TMEM44: variants seen among roughly 807,000 people sequenced by gnomAD.
TMEM44 encodes the protein transmembrane protein 44.
A neutral mutation model predicts 47.8 loss-of-function variants in TMEM44; 43 were observed. That is an observed-to-expected ratio of 0.90 (90% confidence interval 0.70 to 1.16). The LOEUF (loss-of-function observed/expected upper bound fraction) is 1.16, where lower values mean the gene tolerates loss of function less well. TMEM44 is among the 50% of genes most tolerant of loss of function. The pLI is 0.00. For missense variants in TMEM44, 568 were observed against 555.2 expected, an observed-to-expected ratio of 1.02 and a Z score of -0.23; for synonymous variants, 277 against 238.8, an observed-to-expected ratio of 1.16 and a Z score of -1.48.
intron 4 of TMEM44, 25 bp downstream of exon 4, chr3:194,623,504 C>G (rs1414292232): frequency 6.4e-7 from 1 of 1,562,424 alleles, no homozygotes; most frequent in Non-Finnish European, 8.6e-7. Context: ...TACCCCGAGT[C>G]CTCCCCACGG....
At chr3:194,594,591 T>C (rs542870397) in intron 9 of TMEM44, among the ~76,000 whole-genome samples, 204 of 150,850 alleles carry the variant, frequency 1.4e-3, no homozygotes, top group Non-Finnish European at 2.3e-3. Context: ...GCATTCTTCA[T>C]CTAACACTAT....
intron 9 of TMEM44, among the ~76,000 whole-genome samples, chr3:194,600,618 G>A: frequency 6.6e-6 from 1 of 152,106 alleles, no homozygotes; most frequent in Non-Finnish European, 1.5e-5. Context: ...AGGCATGGTG[G>A]TGCATGCCTA....
At chr3:194,622,838 C>T (rs191643943) in intron 5 of TMEM44, 19 of 158,482 alleles carry the variant, frequency 1.2e-4, no homozygotes, top group African/African-American at 4.2e-4. Flanking sequence ...CGTGAGCCCC[C>T]GCGCCCGGCC....
chr3:194,588,391 C>CA lies in TMEM44; in HGVS notation c.*137dup, dbSNP rs1378864737. ...AGCTATGATGTAGCCCAGCCACACT[C>CA]AGTGACGGCTCCTGGTTCCTCACTT... On this transcript the variant is annotated 3_prime_UTR_variant, in exon 10 of 10. Coordinates refer to ENST00000347147, the MANE Select transcript of TMEM44 (RefSeq NM_001011655.3). 1.4e-6 allele frequency: 1 copy of CA among 699,610 alleles called. No homozygotes were observed. The highest frequency in any genetic ancestry group is 2.4e-6 in the Non-Finnish European group (1 of 412,968). The allele number at this position is 699,610 out of a possible 1,614,324, so 43.3% of individuals were successfully genotyped here.
At chr3:194,604,727 A>C (rs1714590590) in intron 8 of TMEM44, among the ~76,000 whole-genome samples, 1 of 152,100 alleles carries the variant, frequency 6.6e-6, no homozygotes, top group African/African-American at 2.4e-5. Flanking sequence ...TCTCTTAAGC[A>C]CCTTGCTTTT....
chr3:194,601,881 C>A (rs1026064866), intron 9 of TMEM44, among the ~76,000 whole-genome samples: 27 of 152,212 alleles, frequency 1.8e-4, no homozygotes, highest in African/African-American at 6.3e-4. Flanking sequence ...TTCAAGTTCA[C>A]CGTGCAGTCC....
At chr3:194,631,688 C>T (rs547783748) in intron 1 of TMEM44, among the ~76,000 whole-genome samples, 12 of 152,314 alleles carry the variant, frequency 7.9e-5, no homozygotes, top group South Asian at 6.2e-4. Context: ...TGGCTTCACA[C>T]GCGGGGGCTT....
intron 8 of TMEM44, among the ~76,000 whole-genome samples, chr3:194,607,494 G>A (rs1422887487): frequency 6.6e-6 from 1 of 152,088 alleles, no homozygotes; most frequent in Non-Finnish European, 1.5e-5. Context: ...TTTACTTGGT[G>A]TCATTATGCC....
intron 9 of TMEM44, among the ~76,000 whole-genome samples, chr3:194,597,649 C>CAA (rs532223669): frequency 9.0e-5 from 9 of 99,978 alleles, no homozygotes; most frequent in African/African-American, 1.7e-4. Context: ...GACTCTGTCT[C>CAA]AAAAAAAAAA....
intron 9 of TMEM44, among the ~76,000 whole-genome samples, chr3:194,596,097 C>T (rs6437391): frequency 0.92 from 140,199 of 152,126 alleles, 64,663 homozygotes; most frequent in East Asian, 0.98. Context: ...CCTGCAAAGA[C>T]GGCACAGATG....
At chr3:194,597,374 G>C (rs1044100030) in intron 9 of TMEM44, 3 of 152,142 alleles carry the variant, frequency 2.0e-5, no homozygotes, top group Admixed American at 6.5e-5. Flanking sequence ...AAAAGGTATA[G>C]GAGGCTGGGC....
At chr3:194,590,423 C>T (rs141256441) in intron 9 of TMEM44, among the ~76,000 whole-genome samples, 54 of 152,290 alleles carry the variant, frequency 3.5e-4, no homozygotes, top group East Asian at 3.9e-4. Context: ...CATTAACTTG[C>T]GGTCGCAGAC....
chr3:194,623,598 CCA>C lies in TMEM44; in HGVS notation c.454_455del (p.Trp152GlyfsTer27). ...TGGCTGAAGCCTTCGGGACAGCAAC[CCA>C]CAGAGCCCAGCACGGGCCCAGGCTC... ...PLSLGPCWAL[W>X]VAVPKASATI... On this transcript the variant is annotated frameshift_variant, in exon 4 of 10. Coordinates refer to ENST00000347147, the MANE Select transcript of TMEM44 (RefSeq NM_001011655.3). LOFTEE classifies it high-confidence loss of function. 1.2e-6 allele frequency: 2 copies of C among 1,612,108 alleles called. No individual in the cohort carries two copies. The highest frequency in any genetic ancestry group is 4.5e-5 in the East Asian group (2 of 44,858).
At chr3:194,597,622 T>C (rs1489021299) in intron 9 of TMEM44, among the ~76,000 whole-genome samples, 3 of 146,976 alleles carry the variant, frequency 2.0e-5, no homozygotes, top group Non-Finnish European at 4.5e-5. Flanking sequence ...ATTGCGCCAT[T>C]GCACTTAAAC....
intron 2 of TMEM44, 134 bp downstream of exon 2, chr3:194,628,249 C>T: frequency 7.9e-7 from 1 of 1,257,902 alleles, no homozygotes; most frequent in Non-Finnish European, 1.1e-6. Context: ...AACAGCCAGG[C>T]ACAGGTTCTG....
rs180897737 is a variant in TMEM44 at position 194,611,533 on chromosome 3, C to A, written c.913-513G>T. Among the ~76,000 whole-genome samples, 1 of 152,218 alleles carries A rather than the reference C, an allele frequency of 6.6e-6. No homozygotes were observed. Among genetic ancestry groups the A allele is most frequent in the Non-Finnish European group, 1.5e-5 (1 of 68,046 alleles). On this transcript the variant is annotated intron_variant, in intron 7 of 9. Transcript: ENST00000347147. This position sits in a 1 kb window ranked among gnomAD's most constrained non-coding sequence, Gnocchi z 4.2. ...AACAAAACAAAACAAGGAATGCCTA[C>A]TTCCCACTTCCAGACATTCTGATTT...
In TMEM44 at chr3:194,601,309, C is replaced by CT. The variant is rs1553827277; in HGVS notation, c.1176+2977dup. On this transcript the variant is annotated intron_variant, in intron 9 of 9. Coordinates refer to ENST00000347147, the MANE Select transcript of TMEM44 (RefSeq NM_001011655.3). The stretch of plus-strand genomic sequence containing the variant: ...CCCGCCACCACGCCTGGCTAATTTT[C>CT]TTTTTTTTTTTTGAGATGGAGTTTC... Among the ~76,000 whole-genome samples the CT allele has an allele frequency of 2.9e-3, 383 of 134,232 alleles. 2 individuals carry two copies. The highest frequency in any genetic ancestry group is 3.9e-3 in the Admixed American group (53 of 13,474). The allele number at this position is 134,232 out of a possible 152,430, so 88.1% of individuals were successfully genotyped here. A position where few individuals can be genotyped will look rare whatever the true frequency, so the allele number is the denominator to read the frequency against.
chr3:194,588,056 C>G lies in TMEM44; in HGVS notation c.*473G>C, dbSNP rs1712075068. On this transcript the variant is annotated 3_prime_UTR_variant, in exon 10 of 10. Transcript: ENST00000347147. ...GGGGGTGGAAGCCAGGTCTCGGTTCCTGTGTGTGACCCAAGGCCCCCCAGC... is the reference window on the plus strand; with the variant it reads ...GGGGGTGGAAGCCAGGTCTCGGTTCGTGTGTGTGACCCAAGGCCCCCCAGC... 6.5e-6 allele frequency: 1 copy of G among 154,186 alleles called. No individual in the cohort carries two copies. The highest frequency in any genetic ancestry group is 2.4e-5 in the African/African-American group (1 of 41,478). The allele number at this position is 154,186 out of a possible 1,614,324, so 9.6% of individuals were successfully genotyped here.
At chr3:194,621,499 C>T (rs550508780) in intron 5 of TMEM44, among the ~76,000 whole-genome samples, 6 of 152,244 alleles carry the variant, frequency 3.9e-5, no homozygotes, top group East Asian at 3.9e-4. Context: ...GGAGAGCCAC[C>T]CCGGTGGGCT....
Sources: gnomAD v4.1 joint callset for allele counts (sites outside exome capture counted in the v4.1 genomes callset) on GRCh38, gnomAD v4.1.1 for gene constraint, Gnocchi (gnomAD v3.1) non-coding constraint, MANE v1.5 for transcripts, NCBI Gene and HGNC (gene_info 2026-07-23, HGNC 2026-07-21) for gene names.